Variants in PPP2R1B observed in about 807,000 individuals in gnomAD.
The protein encoded by PPP2R1B is protein phosphatase 2 scaffold subunit Abeta.
PPP2R1B carries 58 observed loss-of-function variants against 72.7 expected under a neutral mutation model. The observed-to-expected ratio is 0.80, with a 90% CI of 0.65 to 0.99. The LOEUF is 0.99. Ranked by LOEUF, PPP2R1B falls within the 50% of genes least tolerant of loss-of-function variation. The probability of loss-of-function intolerance (pLI) is 0.00; values close to 1 mark genes in which losing one functional copy is unlikely to be tolerated. For missense variants in PPP2R1B, 695 were observed against 733.6 expected, an observed-to-expected ratio of 0.95 and a Z score of 0.61; for synonymous variants, 256 against 264.6, an observed-to-expected ratio of 0.97 and a Z score of 0.32.
At chr11:111,702,686 T>C in the PPP2R1B span, among the ~76,000 whole-genome samples, 1,991 of 152,296 alleles carry the variant, frequency 0.013, 44 homozygotes, top group African/African-American at 0.046. Flanking sequence ...GCTCAGAGAA[T>C]ATGCTAGTGC....
chr11:111,756,731 T>C (rs1304575754), intron 5 of PPP2R1B, among the ~76,000 whole-genome samples: 3 of 152,328 alleles, frequency 2.0e-5, no homozygotes, highest in East Asian at 1.9e-4. Flanking sequence ...TAGAAAAGTA[T>C]GGGATTAATG....
the PPP2R1B span, among the ~76,000 whole-genome samples, chr11:111,699,040 G>A: frequency 6.4e-4 from 97 of 152,308 alleles, no homozygotes; most frequent in South Asian, 2.5e-3. Context: ...ATATCTGTAT[G>A]TGTCCATATG....
At chr11:111,743,874 A>G (rs1290213318) in intron 11 of PPP2R1B, among the ~76,000 whole-genome samples, 1 of 152,258 alleles carries the variant, frequency 6.6e-6, no homozygotes, top group Non-Finnish European at 1.5e-5. Context: ...ATGAAGTCAC[A>G]TGGTGTAAGA....
intron 11 of PPP2R1B, among the ~76,000 whole-genome samples, chr11:111,747,693 A>C (rs1042958144): frequency 6.6e-6 from 1 of 152,262 alleles, no homozygotes; most frequent in African/African-American, 2.4e-5. Context: ...TATATAAAAG[A>C]GATGGTCTGA....
chr11:111,688,986 C>G, the PPP2R1B span, among the ~76,000 whole-genome samples: 2 of 152,136 alleles, frequency 1.3e-5, no homozygotes, highest in East Asian at 3.8e-4. This position sits in a 1 kb window ranked among gnomAD's most constrained non-coding sequence, Gnocchi z 4.2. Context: ...AACAAGCAGT[C>G]TACCTGAAGA....
intron 1 of PPP2R1B, chr11:111,765,980 G>T (rs1555052953): frequency 1.8e-6 from 1 of 568,602 alleles, no homozygotes; most frequent in Non-Finnish European, 3.3e-6. Context: ...CAGGCGGGAA[G>T]CGGGTTCCCC....
chr11:111,726,961 G>A (rs778346567), exon 16 of PPP2R1B: 1 of 1,612,594 alleles, frequency 6.2e-7, no homozygotes, highest in East Asian at 2.2e-5. Flanking sequence ...TTAAATCTGG[G>A]GTATTAGTCT....
At chr11:111,741,697 C>T (rs1019157085) in intron 14 of PPP2R1B, 85 bp from the exon 15 acceptor site, 2 of 1,422,300 alleles carry the variant, frequency 1.4e-6, no homozygotes, top group Admixed American at 1.9e-5. Flanking sequence ...TAACAATGAT[C>T]CAAACGTATC....
At chr11:111,722,152 AG>A (rs1943821362), downstream of PPP2R1B, among the ~76,000 whole-genome samples, 1 of 152,202 alleles carries the variant, frequency 6.6e-6, no homozygotes, top group African/African-American at 2.4e-5. The surrounding 1 kb of genome is among the most constrained non-coding windows in gnomAD (Gnocchi z 4.4). Flanking sequence ...TTTGTCCTCA[AG>A]CCCCACGAAA....
chr11:111,710,466 TCA>T, the PPP2R1B span, among the ~76,000 whole-genome samples: 1 of 152,226 alleles, frequency 6.6e-6, no homozygotes, highest in Non-Finnish European at 1.5e-5. Context: ...GAAAATATAT[TCA>T]GAGTATATTC....
chr11:111,702,197 A>G, the PPP2R1B span, among the ~76,000 whole-genome samples: 1 of 152,168 alleles, frequency 6.6e-6, no homozygotes, highest in South Asian at 2.1e-4. Flanking sequence ...TGACTTTCAC[A>G]AGTTTTGTCT....
downstream of PPP2R1B, chr11:111,723,470 TCTTTC>T (rs778252570): frequency 3.9e-6 from 6 of 1,556,674 alleles, no homozygotes; most frequent in South Asian, 1.2e-5. Flanking sequence ...GATTTAAAAT[TCTTTC>T]CTTTGATATT....
At chr11:111,761,408 A>G (rs1197500399) in intron 3 of PPP2R1B, 6 of 375,558 alleles carry the variant, frequency 1.6e-5, no homozygotes, top group Non-Finnish European at 2.6e-5. Context: ...TTTCCTCAAG[A>G]GTAAGTACAA....
the PPP2R1B span, among the ~76,000 whole-genome samples, chr11:111,707,394 T>A: frequency 6.6e-6 from 1 of 152,302 alleles, no homozygotes; most frequent in East Asian, 1.9e-4. Context: ...AGGGTTCAGA[T>A]ACATAAACGT....
At chr11:111,719,817 C>T in the PPP2R1B span, 26 of 1,613,938 alleles carry the variant, frequency 1.6e-5, no homozygotes, top group Non-Finnish European at 1.9e-5. Flanking sequence ...TGTCCTGGTG[C>T]GGAAGGGATG....
chr11:111,754,931 T>C (rs1383456647), intron 7 of PPP2R1B, 49 bp downstream of exon 7: 1 of 1,481,000 alleles, frequency 6.8e-7, no homozygotes, highest in Admixed American at 2.0e-5. Context: ...AACAAAAAAA[T>C]GCACCAAAAT....
chr11:111,737,705 T>C, downstream of PPP2R1B: 7 of 1,460,750 alleles, frequency 4.8e-6, no homozygotes, highest in Non-Finnish European at 6.4e-6. Flanking sequence ...TACAAGTATA[T>C]GGGGCACTGG....
chr11:111,738,551 A>T lies in PPP2R1B; in HGVS notation c.*3045T>A, dbSNP rs1419422257. 2.0e-6 allele frequency: 2 copies of T among 985,372 alleles called. No individual in the cohort carries two copies. The highest frequency in any genetic ancestry group is 2.4e-6 in the Non-Finnish European group (2 of 829,962). 61.0% of individuals were successfully genotyped at this position (985,372 alleles called of 1,614,324 possible). Reference sequence around the variant, plus strand: ...TGAATGCCTGGACAAGCCAGCTCAAAGGTCAGGCTGCCGTCTCTGTTGAGT... The same window carrying T: ...TGAATGCCTGGACAAGCCAGCTCAATGGTCAGGCTGCCGTCTCTGTTGAGT... On this transcript the variant is annotated 3_prime_UTR_variant, in exon 15 of 15. Coordinates refer to ENST00000527614, the MANE Select transcript of PPP2R1B (RefSeq NM_002716.5).
chr11:111,758,320 G>A (rs1393586279), intron 5 of PPP2R1B, among the ~76,000 whole-genome samples: 5 of 152,086 alleles, frequency 3.3e-5, no homozygotes, highest in African/African-American at 2.4e-5. Flanking sequence ...GGCCGGGCAC[G>A]GTGGCTCACG....
Sources: allele counts gnomAD v4.1 joint callset (sites outside exome capture counted in the v4.1 genomes callset), GRCh38; gene constraint gnomAD v4.1.1; non-coding constraint Gnocchi (gnomAD v3.1); transcripts MANE v1.5; gene names NCBI Gene and HGNC (gene_info 2026-07-23, HGNC 2026-07-21).